The following PSPC1 variants were observed in gnomAD, a reference collection of about 807,000 sequenced individuals.
PSPC1 encodes paraspeckle component 1.
In PSPC1, 14 loss-of-function variants were observed where a neutral mutation model predicts 51.6. The ratio of observed to expected loss-of-function variants is 0.27; its 90% CI spans 0.18 to 0.42. The LOEUF is 0.42. Ranked by LOEUF, PSPC1 falls within the 10% of genes least tolerant of loss-of-function variation. PSPC1 has a pLI of 1.00. For synonymous variants in PSPC1, 193 were observed against 231.9 expected, an observed-to-expected ratio of 0.83 and a Z score of 1.53; for missense variants, 406 against 701.1, an observed-to-expected ratio of 0.58 and a Z score of 4.75.
rs1176957109 is a variant in PSPC1, at chr13:19,741,554, T to A, written c.1052+11A>T. 1 of 1,532,522 alleles carries A rather than the reference T, an allele frequency of 6.5e-7. No homozygotes were observed. Among genetic ancestry groups the A allele is most frequent in the South Asian group, 1.2e-5 (1 of 84,428 alleles). 94.9% of individuals were successfully genotyped at this position (1,532,522 alleles called of 1,614,324 possible). A position where few individuals can be genotyped will look rare whatever the true frequency, so the allele number is the denominator to read the frequency against. On this transcript the variant is annotated intron_variant, in intron 5 of 8. Coordinates refer to ENST00000338910, the MANE Select transcript of PSPC1 (RefSeq NM_001354909.2). The stretch of plus-strand genomic sequence containing the variant: ...ATACAATTCATGTTTCTTAAAATGA[T>A]CTTCTTTTACCTTAGTTGTATTTGC...
intron 5 of PSPC1, among the ~76,000 whole-genome samples, chr13:19,733,654 T>A (rs1884403888): frequency 6.6e-6 from 1 of 151,446 alleles, no homozygotes; most frequent in Admixed American, 6.6e-5. Flanking sequence ...TCCCAGCTAC[T>A]CAGGAGGATG....
At chr13:19,673,618 G>A, downstream of PSPC1, among the ~76,000 whole-genome samples, 1 of 152,194 alleles carries the variant, frequency 6.6e-6, no homozygotes, top group South Asian at 2.1e-4. Flanking sequence ...AGCAGTGCAG[G>A]TCAGGAGCAG....
chr13:19,686,073 T>C (rs1041444136), intron 6 of PSPC1, among the ~76,000 whole-genome samples: 2 of 152,232 alleles, frequency 1.3e-5, no homozygotes, highest in African/African-American at 4.8e-5. Context: ...TCTAAGTGCT[T>C]TGATTCTCGC....
intron 5 of PSPC1, among the ~76,000 whole-genome samples, chr13:19,732,956 A>C (rs548635574): frequency 3.3e-5 from 5 of 152,190 alleles, no homozygotes; most frequent in Non-Finnish European, 5.9e-5. Context: ...AAAGAAAAAA[A>C]AAACACCAAC....
intron 5 of PSPC1, among the ~76,000 whole-genome samples, chr13:19,734,630 T>C (rs1884544245): frequency 6.6e-6 from 1 of 151,918 alleles, no homozygotes; most frequent in South Asian, 2.1e-4. Context: ...GGTGAAACCC[T>C]GTCTCTACTA....
In PSPC1 at chr13:19,730,959, A is replaced by AAC. The variant is rs1555236446; in HGVS notation, c.1053-616_1053-615insGT. ...GACCCTGTCTCAGAAAAAAAAAACA[A>AAC]AAAAACAAAAAAAAAAAAAACAGAA... is the stretch of plus-strand genomic sequence containing the variant. On this transcript the variant is annotated intron_variant, in intron 5 of 8. Transcript: ENST00000338910. Among the ~76,000 whole-genome samples the AAC allele has an allele frequency of 3.2e-3, 74 of 23,180 alleles. 1 individual carries two copies. The highest frequency in any genetic ancestry group is 5.0e-3 in the African/African-American group (72 of 14,330). The allele number at this position is 23,180 out of a possible 152,430, so 15.2% of individuals were successfully genotyped here.
intron 6 of PSPC1, among the ~76,000 whole-genome samples, chr13:19,722,487 G>A (rs1490371785): frequency 1.3e-5 from 2 of 149,264 alleles, no homozygotes; most frequent in African/African-American, 4.9e-5. Context: ...GTGACACAGC[G>A]AGAGCCTGTC....
At chr13:19,688,988 T>C (rs58174895) in intron 6 of PSPC1, among the ~76,000 whole-genome samples, 17,083 of 150,304 alleles carry the variant, frequency 0.11, 1,249 homozygotes, top group African/African-American at 0.2. Flanking sequence ...GGAAACTCAT[T>C]GTAGTATTCC....
At chr13:19,706,014 T>C (rs1448819113) in intron 7 of PSPC1, among the ~76,000 whole-genome samples, 183 bp from the exon 8 acceptor site, 1 of 152,218 alleles carries the variant, frequency 6.6e-6, no homozygotes, top group East Asian at 1.9e-4. Flanking sequence ...ATTAGAATTT[T>C]CATCCCCAAG....
intron 1 of PSPC1, among the ~76,000 whole-genome samples, chr13:19,772,936 C>T (rs1039929929): frequency 6.6e-6 from 1 of 151,914 alleles, no homozygotes; most frequent in East Asian, 1.9e-4. Flanking sequence ...CTGAGGCGGG[C>T]GGATCACCTG....
chr13:19,706,254 A>G (rs1277433854), intron 7 of PSPC1, among the ~76,000 whole-genome samples: 6 of 152,166 alleles, frequency 3.9e-5, no homozygotes, highest in Admixed American at 3.9e-4. Flanking sequence ...TTAGCAGTAA[A>G]TTATGCTAAG....
intron 6 of PSPC1, among the ~76,000 whole-genome samples, chr13:19,696,505 A>G (rs909574469): frequency 6.7e-6 from 1 of 149,442 alleles, no homozygotes. Flanking sequence ...ACACGCACAC[A>G]CACACACACA....
chr13:19,708,251 G>C (rs918965644), intron 7 of PSPC1, among the ~76,000 whole-genome samples: 7 of 152,156 alleles, frequency 4.6e-5, no homozygotes, highest in Non-Finnish European at 8.8e-5. Flanking sequence ...AGTTTCATTT[G>C]ATAGACTATA....
chr13:19,676,168 TCCCATATATTTCCTTA>T (rs1876614939), intron 7 of PSPC1, among the ~76,000 whole-genome samples: 2 of 152,202 alleles, frequency 1.3e-5, no homozygotes, highest in Admixed American at 6.5e-5. Flanking sequence ...TTTTTTCCTT[TCCCATATATTTCCTTA>T]CCCATATATG....
intron 4 of PSPC1, among the ~76,000 whole-genome samples, chr13:19,745,437 CTA>C (rs563692391): frequency 7.2e-5 from 11 of 152,108 alleles, no homozygotes; most frequent in Middle Eastern, 3.4e-3. Context: ...TATAAACAAA[CTA>C]AAATTTTGAT....
chr13:19,704,123 A>T (rs1221435629), intron 8 of PSPC1, among the ~76,000 whole-genome samples: 1 of 152,244 alleles, frequency 6.6e-6, no homozygotes, highest in Non-Finnish European at 1.5e-5. Context: ...GGGAGACAAT[A>T]AAAAAATGGG....
intron 2 of PSPC1, among the ~76,000 whole-genome samples, chr13:19,770,129 T>C (rs775711397): frequency 2.0e-5 from 3 of 152,160 alleles, no homozygotes; most frequent in African/African-American, 7.2e-5. Context: ...AAGATATGAA[T>C]GAAATCTCAT....
intron 6 of PSPC1, among the ~76,000 whole-genome samples, chr13:19,715,064 T>G (rs974743832): frequency 2.0e-5 from 3 of 152,100 alleles, no homozygotes; most frequent in African/African-American, 4.8e-5. Flanking sequence ...AAGGGAACAT[T>G]AAAAGACATT....
intron 6 of PSPC1, among the ~76,000 whole-genome samples, chr13:19,690,836 C>T (rs1365571765): frequency 1.3e-5 from 2 of 152,124 alleles, no homozygotes; most frequent in South Asian, 2.1e-4. Flanking sequence ...CATATTCTAC[C>T]AACGTCTATT....
Sources: gnomAD v4.1 joint callset for allele counts (sites outside exome capture counted in the v4.1 genomes callset) on GRCh38, gnomAD v4.1.1 for gene constraint, MANE v1.5 for transcripts, NCBI Gene and HGNC (gene_info 2026-07-23, HGNC 2026-07-21) for gene names.